FNDC3A: variants seen among roughly 807,000 people sequenced by gnomAD.
The protein encoded by FNDC3A is fibronectin type-III domain-containing protein 3A.
A neutral mutation model predicts 148.9 loss-of-function variants in FNDC3A; 32 were observed. The ratio of observed to expected loss-of-function variants is 0.21; its 90% CI spans 0.16 to 0.29. FNDC3A has a LOEUF of 0.29. FNDC3A is among the 10% of genes least tolerant of loss of function. FNDC3A has a pLI of 1.00. For missense variants in FNDC3A, 1,191 were observed against 1,452.8 expected, an observed-to-expected ratio of 0.82 and a Z score of 2.93; for synonymous variants, 472 against 473.6, an observed-to-expected ratio of 1.00 and a Z score of 0.04.
At chr13:49,187,712 C>T (rs1176971382) in intron 16 of FNDC3A, 56 of 1,383,754 alleles carry the variant, frequency 4.0e-5, no homozygotes, top group South Asian at 9.4e-5. Flanking sequence ...AAACCGAGGA[C>T]GGATGAAATG....
chr13:48,994,787 A>G (rs1302367273), intron 1 of FNDC3A, among the ~76,000 whole-genome samples: 1 of 152,138 alleles, frequency 6.6e-6, no homozygotes, highest in African/African-American at 2.4e-5. Context: ...AAAAAAAAAA[A>G]AAGAAATATT....
At chr13:49,132,032 A>G (rs1401640059) in intron 5 of FNDC3A, among the ~76,000 whole-genome samples, 5 of 152,162 alleles carry the variant, frequency 3.3e-5, no homozygotes, top group South Asian at 4.1e-4. Flanking sequence ...CCGTCCCTTC[A>G]TCTCAGTAGG....
In FNDC3A at chr13:48,976,100, TAGAG is replaced by T. The variant is rs1337003565; in HGVS notation, c.-113_-110del. 1.3e-5 allele frequency: 2 copies of T among 151,864 alleles called. No individual in the cohort carries two copies. Among genetic ancestry groups the T allele is most frequent in the Admixed American group, 6.6e-5 (1 of 15,262 alleles). The allele number at this position is 151,864 out of a possible 1,614,324, so 9.4% of individuals were successfully genotyped here. ...CTGAGAGCTGACTCTGCAGCTGAGG[TAGAG>T]AGACAACGATCAGGAACCCTAAGAA... On this transcript the variant is annotated 5_prime_UTR_variant, in exon 1 of 26. Coordinates refer to ENST00000492622, the MANE Select transcript of FNDC3A (RefSeq NM_001079673.2).
chr13:49,199,972 ACT>A (rs1259489542), intron 23 of FNDC3A, among the ~76,000 whole-genome samples: 1 of 152,186 alleles, frequency 6.6e-6, no homozygotes, highest in Admixed American at 6.5e-5. Flanking sequence ...TACAGTGTTA[ACT>A]CTGAATATTT....
At chr13:48,980,106 G>A (rs893103607) in intron 1 of FNDC3A, among the ~76,000 whole-genome samples, 9 of 151,996 alleles carry the variant, frequency 5.9e-5, no homozygotes, top group Admixed American at 5.9e-4. Flanking sequence ...TTCTGTAATT[G>A]TTATTTTGTG....
intron 8 of FNDC3A, among the ~76,000 whole-genome samples, chr13:49,151,386 T>C (rs1470222933): frequency 6.6e-6 from 1 of 152,192 alleles, no homozygotes; most frequent in Non-Finnish European, 1.5e-5. Context: ...TTTATCTGAG[T>C]GTAGCTACTC....
At chr13:49,052,980 C>T (rs1340302423) in intron 2 of FNDC3A, among the ~76,000 whole-genome samples, 1 of 152,098 alleles carries the variant, frequency 6.6e-6, no homozygotes, top group Non-Finnish European at 1.5e-5. Context: ...CTGAGTCATA[C>T]AGGTCACCAG....
At chr13:49,102,582 C>T (rs938173418) in intron 3 of FNDC3A, among the ~76,000 whole-genome samples, 2 of 152,154 alleles carry the variant, frequency 1.3e-5, no homozygotes, top group Admixed American at 1.3e-4. Context: ...AGTTCTCATC[C>T]TCAGTGTTAG....
chr13:49,112,754 AGATGAT>A (rs371091806), intron 3 of FNDC3A, among the ~76,000 whole-genome samples: 1 of 152,022 alleles, frequency 6.6e-6, no homozygotes, highest in Admixed American at 6.6e-5. Flanking sequence ...TAGAAAATGG[AGATGAT>A]GATGATGATG....
rs1266254046 is a variant in FNDC3A, at chr13:49,125,525, CA to C, written c.253-5607del. Among the ~76,000 whole-genome samples, 4 of 152,034 alleles carry C rather than the reference CA, an allele frequency of 2.6e-5. No individual in the cohort carries two copies. In the East Asian group the frequency reaches 7.7e-4, roughly 29 times the overall value. Reference sequence around the variant, plus strand: ...AGAGTGAGACCACAGAAGTAGGTTGCAAAAAGTAGAGAGGAAGCAAAGGTTG... The same window carrying C: ...AGAGTGAGACCACAGAAGTAGGTTGCAAAAGTAGAGAGGAAGCAAAGGTTG... On this transcript the variant is annotated intron_variant, in intron 4 of 25. Coordinates refer to ENST00000492622, the MANE Select transcript of FNDC3A (RefSeq NM_001079673.2).
intron 1 of FNDC3A, among the ~76,000 whole-genome samples, chr13:49,001,268 C>A (rs1206764380): frequency 2.0e-5 from 3 of 152,176 alleles, no homozygotes; most frequent in African/African-American, 7.2e-5. Flanking sequence ...CCAATCAATA[C>A]CCTTGTGATT....
intron 25 of FNDC3A, among the ~76,000 whole-genome samples, chr13:49,206,810 G>A (rs996603428): frequency 6.6e-6 from 1 of 152,152 alleles, no homozygotes; most frequent in African/African-American, 2.4e-5. Context: ...GATTTTGCTT[G>A]TTCTCTAGCT....
At chr13:49,163,935 A>T (rs1884313056) in intron 8 of FNDC3A, among the ~76,000 whole-genome samples, 1 of 151,864 alleles carries the variant, frequency 6.6e-6, no homozygotes, top group Admixed American at 6.6e-5. Flanking sequence ...GGTACATTTG[A>T]GTTATTTTTC....
chr13:49,052,042 T>C (rs1223732980), intron 2 of FNDC3A, among the ~76,000 whole-genome samples: 1 of 152,114 alleles, frequency 6.6e-6, no homozygotes, highest in Non-Finnish European at 1.5e-5. Context: ...TTTTTATTCA[T>C]ATTTATGCTA....
chr13:49,133,661 C>T (rs1882164063), intron 5 of FNDC3A, among the ~76,000 whole-genome samples: 1 of 152,184 alleles, frequency 6.6e-6, no homozygotes, highest in South Asian at 2.1e-4. Flanking sequence ...GTTAGCAGTA[C>T]CATTAGTGAG....
intron 2 of FNDC3A, among the ~76,000 whole-genome samples, chr13:49,034,630 ATGC>A (rs1318268363): frequency 6.6e-6 from 1 of 152,046 alleles, no homozygotes; most frequent in Non-Finnish European, 1.5e-5. Context: ...TGATATATTG[ATGC>A]AGTTTATGTA....
At chr13:49,058,121 C>T (rs145458160) in intron 2 of FNDC3A, among the ~76,000 whole-genome samples, 2,079 of 152,166 alleles carry the variant, frequency 0.014, 49 homozygotes, top group African/African-American at 0.047. Context: ...GGGCTTTATT[C>T]GGCTGGGAGC....
intron 2 of FNDC3A, among the ~76,000 whole-genome samples, chr13:49,037,405 G>A (rs1216491814): frequency 2.0e-5 from 3 of 152,130 alleles, no homozygotes; most frequent in South Asian, 2.1e-4. Context: ...TGTCATTCAA[G>A]GATACAAGGC....
intron 2 of FNDC3A, among the ~76,000 whole-genome samples, chr13:49,017,444 C>A (rs1172337882): frequency 6.6e-6 from 1 of 151,548 alleles, no homozygotes; most frequent in South Asian, 2.1e-4. Flanking sequence ...TTTTGTTTTC[C>A]ATTTGCTTGG....
Sources: allele counts gnomAD v4.1 joint callset (sites outside exome capture counted in the v4.1 genomes callset), GRCh38; gene constraint gnomAD v4.1.1; transcripts MANE v1.5; gene names NCBI Gene and HGNC (gene_info 2026-07-23, HGNC 2026-07-21).